The following EYA1 variants were observed in gnomAD, a reference collection of about 807,000 sequenced individuals.
The protein encoded by EYA1 is EYA transcriptional coactivator and phosphatase 1.
In EYA1, 16 loss-of-function variants were observed where a neutral mutation model predicts 82.0. The observed-to-expected ratio is 0.20, with a 90% CI of 0.13 to 0.30. The LOEUF (loss-of-function observed/expected upper bound fraction) is 0.30, where lower values mean the gene tolerates loss of function less well. EYA1 is among the 10% of genes least tolerant of loss of function. The pLI is 1.00. For synonymous variants in EYA1, 261 were observed against 264.4 expected (o/e 0.99, Z 0.12); for missense variants, 633 against 730.7 (o/e 0.87, Z 1.54).
At chr8:71,239,830 A>G (rs12114732) in intron 12 of EYA1, among the ~76,000 whole-genome samples, 2,552 of 152,340 alleles carry the variant, frequency 0.017, 73 homozygotes, top group African/African-American at 0.058. Flanking sequence ...TTTATAGAGA[A>G]TAAAGGACTT....
intron 2 of EYA1, among the ~76,000 whole-genome samples, chr8:71,393,291 T>TTTATTA (rs562269826): frequency 2.6e-5 from 4 of 151,248 alleles, no homozygotes; most frequent in East Asian, 1.9e-4. Context: ...GTAATTTTCT[T>TTTATTA]TTATTATTAT....
intron 2 of EYA1, among the ~76,000 whole-genome samples, chr8:71,490,027 G>A (rs1471314018): frequency 6.6e-6 from 1 of 152,132 alleles, no homozygotes; most frequent in East Asian, 1.9e-4. Flanking sequence ...CTGGATCCCA[G>A]GCCCTGGGGA....
chr8:71,523,181 T>C lies in EYA1; in HGVS notation c.33+12563A>G, dbSNP rs555476849. ...TTTTTCTTTTCTTTTTTCTTTTTCT[T>C]TTTTTTTTTTTTTTTGAGACGGAGT... is the stretch of plus-strand genomic sequence containing the variant. On this transcript the variant is annotated intron_variant, in intron 2 of 18. Coordinates refer to the EYA1 transcript ENST00000643681. Among the ~76,000 whole-genome samples the C allele has an allele frequency of 3.6e-4, 50 of 138,428 alleles. 2 individuals carry two copies. The highest frequency in any genetic ancestry group is 5.8e-4 in the Non-Finnish European group (38 of 65,042). The allele number at this position is 138,428 out of a possible 152,430, so 90.8% of individuals were successfully genotyped here. A position where few individuals can be genotyped will look rare whatever the true frequency, so the allele number is the denominator to read the frequency against.
chr8:71,437,791 T>G (rs563065590), intron 2 of EYA1, among the ~76,000 whole-genome samples: 11 of 151,984 alleles, frequency 7.2e-5, no homozygotes, highest in African/African-American at 2.4e-4. Flanking sequence ...CAGTACCAGA[T>G]GATCTGAAGA....
intron 11 of EYA1, among the ~76,000 whole-genome samples, chr8:71,260,550 T>C (rs1814972546): frequency 6.6e-6 from 1 of 152,200 alleles, no homozygotes; most frequent in African/African-American, 2.4e-5. Context: ...ATATTATCTT[T>C]AAAAAAGTGC....
intron 9 of EYA1, among the ~76,000 whole-genome samples, chr8:71,295,759 T>C (rs1048642231): frequency 6.6e-6 from 1 of 152,194 alleles, no homozygotes; most frequent in African/African-American, 2.4e-5. Flanking sequence ...TTAAAAAAAC[T>C]GCACACAAAT....
chr8:71,428,565 T>C (rs1299139548), intron 2 of EYA1, among the ~76,000 whole-genome samples: 2 of 152,156 alleles, frequency 1.3e-5, no homozygotes, highest in Non-Finnish European at 2.9e-5. Flanking sequence ...CCATGAAATA[T>C]ACAAACTTTC....
At chr8:71,234,594 A>G (rs1372655560) in intron 12 of EYA1, among the ~76,000 whole-genome samples, 1 of 152,156 alleles carries the variant, frequency 6.6e-6, no homozygotes, top group African/African-American at 2.4e-5. Context: ...GTGATAGCTC[A>G]TACTTTTCCA....
chr8:71,516,820 CTCAG>C (rs1476119805), intron 2 of EYA1, among the ~76,000 whole-genome samples: 8 of 152,124 alleles, frequency 5.3e-5, no homozygotes, highest in Non-Finnish European at 1.5e-5. Flanking sequence ...CCCTTCCCTA[CTCAG>C]TCAAACTTCT....
intron 7 of EYA1, among the ~76,000 whole-genome samples, chr8:71,300,253 A>G (rs1397542585): frequency 1.3e-5 from 2 of 152,176 alleles, no homozygotes; most frequent in African/African-American, 4.8e-5. Flanking sequence ...ATGAAAGAAG[A>G]ATATGATTAA....
chr8:71,358,706 CAT>C (rs1563529435), intron 1 of EYA1, among the ~76,000 whole-genome samples: 2 of 152,238 alleles, frequency 1.3e-5, no homozygotes, highest in East Asian at 1.9e-4. Context: ...CAGAAGGAAA[CAT>C]AGTCTTATAA....
chr8:71,291,335 A>G (rs1356301069), intron 9 of EYA1, among the ~76,000 whole-genome samples: 1 of 152,222 alleles, frequency 6.6e-6, no homozygotes, highest in East Asian at 1.9e-4. Flanking sequence ...GGGATCAAAG[A>G]AGCAGAGGGA....
chr8:71,228,000 C>G (rs1415512415), intron 12 of EYA1, among the ~76,000 whole-genome samples: 1 of 152,192 alleles, frequency 6.6e-6, no homozygotes, highest in South Asian at 2.1e-4. Context: ...CAGGCCCAAT[C>G]ATATCCTTAG....
chr8:71,366,319 TG>T (rs1391030441), upstream of EYA1, among the ~76,000 whole-genome samples: 1 of 152,188 alleles, frequency 6.6e-6, no homozygotes, highest in Non-Finnish European at 1.5e-5. Flanking sequence ...TTTTCCAAAA[TG>T]GCAAACCATT....
intron 3 of EYA1, among the ~76,000 whole-genome samples, chr8:71,349,249 T>G (rs924883817): frequency 1.3e-5 from 2 of 152,200 alleles, no homozygotes; most frequent in Non-Finnish European, 2.9e-5. Context: ...ATCCTTATAA[T>G]GAAGTCCTTG....
chr8:71,215,690 A>G lies in EYA1; in HGVS notation c.1399T>C (p.Leu467=), dbSNP rs748750618. 2.5e-6 allele frequency: 4 copies of G among 1,614,130 alleles called. No individual in the cohort carries two copies. The highest frequency in any genetic ancestry group is 2.7e-5 in the African/African-American group (2 of 75,060). Reference sequence around the variant, plus strand: ...GTCAGGGCTTCAATTTCGGCCCTCAACTGCAGCCAGGCTTCCCTCTTAGCT... The same window carrying G: ...GTCAGGGCTTCAATTTCGGCCCTCAGCTGCAGCCAGGCTTCCCTCTTAGCT... ...GPAKREAWLQ[L]RAEIEALTDS... The change falls in exon 15 of 18, where the codon TTG becomes CTG. Residue 467 remains leucine, a synonymous_variant. Transcript: ENST00000340726.
At chr8:71,325,529 A>G (rs1823053269) in intron 4 of EYA1, among the ~76,000 whole-genome samples, 1 of 152,218 alleles carries the variant, frequency 6.6e-6, no homozygotes, top group Non-Finnish European at 1.5e-5. Context: ...TTTAAAAAGA[A>G]TGTGAGAATT....
intron 2 of EYA1, among the ~76,000 whole-genome samples, chr8:71,374,829 A>G (rs570645428): frequency 6.6e-6 from 1 of 152,354 alleles, no homozygotes; most frequent in East Asian, 1.9e-4. Context: ...AGCCTTAAAA[A>G]AAGTAATCCT....
intron 9 of EYA1, among the ~76,000 whole-genome samples, chr8:71,272,933 T>G (rs1238607565): frequency 1.3e-5 from 2 of 152,204 alleles, no homozygotes; most frequent in Non-Finnish European, 1.5e-5. Flanking sequence ...AACCACTGTT[T>G]GAAGAGAACA....
Sources: gnomAD v4.1 joint callset for allele counts (sites outside exome capture counted in the v4.1 genomes callset) on GRCh38, gnomAD v4.1.1 for gene constraint, MANE v1.5 for transcripts, NCBI Gene and HGNC (gene_info 2026-07-23, HGNC 2026-07-21) for gene names.